The following GCSAML variants were observed in gnomAD, a reference collection of about 807,000 sequenced individuals.
The protein encoded by GCSAML is germinal center-associated signaling and motility-like protein.
GCSAML carries 9 observed loss-of-function variants against 13.0 expected under a neutral mutation model. That is an observed-to-expected ratio of 0.69 (90% CI 0.42 to 1.21). The LOEUF (loss-of-function observed/expected upper bound fraction) is 1.21. Ranked by LOEUF, GCSAML falls within the 50% of genes most tolerant of loss-of-function variation. The probability of loss-of-function intolerance (pLI) is 0.00; values close to 1 mark genes in which losing one functional copy is unlikely to be tolerated. For missense variants in GCSAML, 143 were observed against 153.4 expected (o/e 0.93, Z 0.36); for synonymous variants, 37 against 52.9 (o/e 0.70, Z 1.31).
At chr1:247,521,846 C>T (rs1197348454) in intron 1 of GCSAML, among the ~76,000 whole-genome samples, 10 of 151,908 alleles carry the variant, frequency 6.6e-5, no homozygotes. Flanking sequence ...TGCCCATCGT[C>T]TGGGATGTGA....
chr1:247,545,926 A>C (rs1255520786), upstream of GCSAML, among the ~76,000 whole-genome samples: 1 of 152,108 alleles, frequency 6.6e-6, no homozygotes, highest in Non-Finnish European at 1.5e-5. Context: ...AAGAGTGTAG[A>C]TCTCATGTTA....
intron 1 of GCSAML, among the ~76,000 whole-genome samples, chr1:247,512,551 G>A (rs1666078378): frequency 6.6e-6 from 1 of 151,998 alleles, no homozygotes; most frequent in Non-Finnish European, 1.5e-5. Context: ...TTGTTCCCTT[G>A]CTGGTGAGGT....
At chr1:247,512,121 T>C (rs1666061137) in intron 1 of GCSAML, among the ~76,000 whole-genome samples, 1 of 152,180 alleles carries the variant, frequency 6.6e-6, no homozygotes, top group Admixed American at 6.5e-5. Flanking sequence ...GGTTCCATTC[T>C]CCCTGTCACT....
upstream of GCSAML, among the ~76,000 whole-genome samples, chr1:247,548,221 G>A (rs994347106): frequency 4.6e-5 from 7 of 152,228 alleles, no homozygotes; most frequent in African/African-American, 1.7e-4. This position sits in a 1 kb window ranked among gnomAD's most constrained non-coding sequence, Gnocchi z 5.3. Context: ...ATGAATAAGC[G>A]ATTTCAGTCT....
chr1:247,543,307 TACAA>T (rs1667467599), intron 2 of GCSAML, among the ~76,000 whole-genome samples: 1 of 152,240 alleles, frequency 6.6e-6, no homozygotes, highest in Non-Finnish European at 1.5e-5. Context: ...CACAGTGTAC[TACAA>T]TAAGGTATTT....
Position 247,527,973 on chromosome 1 carries a change from A to T in GCSAML, c.-148+919A>T, listed in dbSNP as rs989341112. On this transcript the variant is annotated intron_variant, in intron 2 of 5. Coordinates refer to the GCSAML transcript ENST00000366489. The surrounding 1 kb of genome is among the most constrained non-coding windows in gnomAD (Gnocchi z 4.6). ...ATCAACCCTTTTTTAGCTTTCACAG[A>T]TGAATGAGAACATGCAGTATTTAAC... 6.6e-6 allele frequency: 1 copy of T among 152,142 alleles called. No homozygotes were observed. The highest frequency in any genetic ancestry group is 2.4e-5 in the African/African-American group (1 of 41,408). The allele number at this position is 152,142 out of a possible 1,614,324, so 9.4% of individuals were successfully genotyped here. A position where few individuals can be genotyped will look rare whatever the true frequency, so the allele number is the denominator to read the frequency against.
chr1:247,555,692 A>G (rs1667923758), intron 1 of GCSAML, among the ~76,000 whole-genome samples: 1 of 152,238 alleles, frequency 6.6e-6, no homozygotes, highest in Admixed American at 6.5e-5. Flanking sequence ...AAGTGACAAT[A>G]GAGGAAAAGA....
At chr1:247,565,848 C>G (rs1435354132) in intron 3 of GCSAML, 83 bp from the exon 4 acceptor site, 2 of 1,119,154 alleles carry the variant, frequency 1.8e-6, no homozygotes, top group African/African-American at 3.3e-5. Flanking sequence ...CTGTTTTTTT[C>G]ACCTTTTCCT....
At chr1:247,524,690 T>C (rs1421939300) in intron 1 of GCSAML, 1 of 152,180 alleles carries the variant, frequency 6.6e-6, no homozygotes, top group East Asian at 1.9e-4. Flanking sequence ...AAAGGCATGA[T>C]TGATAGTTTA....
chr1:247,520,385 A>G (rs575013005), intron 1 of GCSAML, among the ~76,000 whole-genome samples: 1 of 152,322 alleles, frequency 6.6e-6, no homozygotes, highest in African/African-American at 2.4e-5. Context: ...CCTACAAGGA[A>G]GGAGGAGTTC....
intron 1 of GCSAML, among the ~76,000 whole-genome samples, chr1:247,521,840 C>T (rs1340519004): frequency 1.3e-5 from 2 of 151,956 alleles, no homozygotes; most frequent in Non-Finnish European, 2.9e-5. Flanking sequence ...CCTGGCTGCC[C>T]ATCGTCTGGG....
intron 2 of GCSAML, among the ~76,000 whole-genome samples, chr1:247,541,013 G>T (rs371650147): frequency 3.3e-5 from 5 of 152,268 alleles, no homozygotes; most frequent in South Asian, 4.1e-4. Context: ...CTGCTGAAAA[G>T]AATTTTTTTC....
At chr1:247,566,499 T>A (rs1428978790) in intron 4 of GCSAML, among the ~76,000 whole-genome samples, 3 of 152,208 alleles carry the variant, frequency 2.0e-5, no homozygotes, top group Non-Finnish European at 4.4e-5. Flanking sequence ...GGCCTCAGCC[T>A]CCCAAAGTGC....
At chr1:247,567,283 AC>A (rs1289468321) in intron 4 of GCSAML, among the ~76,000 whole-genome samples, 4 of 151,006 alleles carry the variant, frequency 2.6e-5, no homozygotes, top group African/African-American at 9.7e-5. Context: ...TAGGGTTTAA[AC>A]CCCCCATGCA....
At chr1:247,523,564 A>G (rs549265806) in intron 1 of GCSAML, among the ~76,000 whole-genome samples, 1 of 152,348 alleles carries the variant, frequency 6.6e-6, no homozygotes, top group South Asian at 2.1e-4. Flanking sequence ...CATTATCCAC[A>G]TGGAAGTCTT....
At chr1:247,538,762 C>T (rs1201565815) in intron 2 of GCSAML, 1 of 456,538 alleles carries the variant, frequency 2.2e-6, no homozygotes, top group Non-Finnish European at 4.4e-6. Flanking sequence ...CTGAGGGTAC[C>T]TTGATCTTGG....
chr1:247,516,553 GTT>G lies in GCSAML; in HGVS notation c.-263+9338_-263+9339del, dbSNP rs10710175. 4.5e-3 allele frequency among the ~76,000 whole-genome samples: 615 copies of G among 135,950 alleles called. 1 individual carries two copies. Among genetic ancestry groups the G allele is most frequent in the East Asian group, 7.6e-3 (35 of 4,622 alleles). 89.2% of individuals were successfully genotyped at this position (135,950 alleles called of 152,430 possible). ...TTTGTCTACAACTTTCATGTTGACT[GTT>G]TTTTTTTTTTTTTTTTTAAACTCCA... is the stretch of plus-strand genomic sequence containing the variant. On this transcript the variant is annotated intron_variant, in intron 1 of 5. Coordinates refer to the GCSAML transcript ENST00000366489.
At chr1:247,528,897 C>T (rs1666793033) in intron 2 of GCSAML, 1 of 152,034 alleles carries the variant, frequency 6.6e-6, no homozygotes, top group Non-Finnish European at 1.5e-5. Context: ...AGGGCATCCA[C>T]TGCAGAGATG....
intron 1 of GCSAML, among the ~76,000 whole-genome samples, chr1:247,521,891 T>G (rs1666446424): frequency 6.7e-6 from 1 of 149,092 alleles, no homozygotes; most frequent in Non-Finnish European, 1.5e-5. Flanking sequence ...GTCTGGGAAG[T>G]GAGGAGCGCC....
Sources: allele counts gnomAD v4.1 joint callset (sites outside exome capture counted in the v4.1 genomes callset), GRCh38; gene constraint gnomAD v4.1.1; non-coding constraint Gnocchi (gnomAD v3.1); transcripts MANE v1.5; gene names NCBI Gene and HGNC (gene_info 2026-07-23, HGNC 2026-07-21).